The following PDE8B variants were observed in gnomAD, a reference collection of about 807,000 sequenced individuals.
PDE8B encodes the protein phosphodiesterase 8B.
In PDE8B, 26 loss-of-function variants were observed where a neutral mutation model predicts 101.3. The observed-to-expected ratio is 0.26, with a 90% confidence interval of 0.19 to 0.36. The LOEUF is 0.36. Ranked by LOEUF, PDE8B falls within the 10% of genes least tolerant of loss-of-function variation. PDE8B has a pLI of 1.00. For missense variants in PDE8B, 810 were observed against 1,163.1 expected (o/e 0.70, Z 4.42); for synonymous variants, 424 against 429.3 (o/e 0.99, Z 0.15).
intron 1 of PDE8B, among the ~76,000 whole-genome samples, chr5:77,265,056 T>G (rs1158105685): frequency 1.3e-5 from 2 of 152,204 alleles, no homozygotes; most frequent in Admixed American, 6.5e-5. Context: ...TTTACACTGT[T>G]ATTGACACAC....
chr5:77,106,637 A>G, the PDE8B span, among the ~76,000 whole-genome samples: 2 of 152,204 alleles, frequency 1.3e-5, no homozygotes, highest in African/African-American at 2.4e-5. Context: ...TTTTAAAAAA[A>G]TCTGCTGGAT....
intron 1 of PDE8B, among the ~76,000 whole-genome samples, chr5:77,297,238 C>A (rs1218659488): frequency 6.6e-6 from 1 of 152,218 alleles, no homozygotes; most frequent in Non-Finnish European, 1.5e-5. Flanking sequence ...GACCTAATCA[C>A]GTCTTAAAGA....
At chr5:77,181,179 C>A in the PDE8B span, among the ~76,000 whole-genome samples, 4 of 151,612 alleles carry the variant, frequency 2.6e-5, no homozygotes, top group African/African-American at 9.7e-5. Context: ...CTAAACCACC[C>A]GCCTCATCCC....
chr5:77,118,392 T>A, the PDE8B span: 2 of 398,530 alleles, frequency 5.0e-6, no homozygotes. Context: ...GGGGAGCTTC[T>A]CTCTCAGCCT....
chr5:77,388,429 A>T (rs1789190116), intron 10 of PDE8B, among the ~76,000 whole-genome samples: 1 of 152,158 alleles, frequency 6.6e-6, no homozygotes, highest in African/African-American at 2.4e-5. Context: ...TTGCTCCCTG[A>T]TCCTTCCTCT....
At chr5:77,249,865 A>C (rs906683458) in intron 1 of PDE8B, among the ~76,000 whole-genome samples, 1 of 152,236 alleles carries the variant, frequency 6.6e-6, no homozygotes, top group Non-Finnish European at 1.5e-5. Flanking sequence ...AAGTGTGTGC[A>C]TTTGATCTCT....
chr5:77,359,739 C>T (rs73764821), intron 10 of PDE8B, among the ~76,000 whole-genome samples: 4,416 of 152,204 alleles, frequency 0.029, 203 homozygotes, highest in African/African-American at 0.1. Flanking sequence ...CACCCCACCT[C>T]ACCCTTAGCT....
chr5:77,226,308 A>G (rs996519827), intron 1 of PDE8B, among the ~76,000 whole-genome samples: 1 of 152,248 alleles, frequency 6.6e-6, no homozygotes, highest in Non-Finnish European at 1.5e-5. Flanking sequence ...CATTGTTTAA[A>G]ATACACATTA....
intron 1 of PDE8B, among the ~76,000 whole-genome samples, chr5:77,296,924 AGTGAT>A (rs1377333815): frequency 2.0e-5 from 3 of 152,068 alleles, no homozygotes; most frequent in Admixed American, 6.5e-5. Flanking sequence ...TTCTGCTGTG[AGTGAT>A]GGCAAGGTTT....
At chr5:77,378,456 TAAAAAAAA>T (rs58121927) in intron 10 of PDE8B, among the ~76,000 whole-genome samples, 11 of 69,350 alleles carry the variant, frequency 1.6e-4, no homozygotes, top group Admixed American at 2.0e-4. Context: ...AGACTCCATC[TAAAAAAAA>T]AAAAAAAAAA....
At chr5:77,390,312 T>G (rs1789639939) in intron 10 of PDE8B, among the ~76,000 whole-genome samples, 1 of 152,208 alleles carries the variant, frequency 6.6e-6, no homozygotes, top group African/African-American at 2.4e-5. Flanking sequence ...TTGAAGTAAT[T>G]AAGGGTTTGA....
chr5:77,248,222 T>C (rs1168161696), intron 1 of PDE8B, among the ~76,000 whole-genome samples: 3 of 152,210 alleles, frequency 2.0e-5, no homozygotes, highest in African/African-American at 7.2e-5. Context: ...GCAGGGGCTA[T>C]TGCATGTTTA....
chr5:77,226,260 A>G (rs1414986557), intron 1 of PDE8B, among the ~76,000 whole-genome samples: 1 of 152,232 alleles, frequency 6.6e-6, no homozygotes, highest in Non-Finnish European at 1.5e-5. Flanking sequence ...CCTCTGCCTT[A>G]TTGGTAATTA....
chr5:77,344,796 G>A, intron 6 of PDE8B, 57 bp from the exon 7 acceptor site: 1 of 1,097,276 alleles, frequency 9.1e-7, no homozygotes, highest in Non-Finnish European at 1.4e-6. Flanking sequence ...TAAATTAACA[G>A]ATGAAATGTG....
intron 10 of PDE8B, among the ~76,000 whole-genome samples, chr5:77,388,780 G>T (rs1789278336): frequency 6.6e-6 from 1 of 152,150 alleles, no homozygotes; most frequent in Non-Finnish European, 1.5e-5. Context: ...CAGAGAGGAG[G>T]AATCTAGAGA....
chr5:77,347,486 G>A (rs1780347983), intron 7 of PDE8B, among the ~76,000 whole-genome samples: 1 of 152,026 alleles, frequency 6.6e-6, no homozygotes, highest in African/African-American at 2.4e-5. Flanking sequence ...CACATGAAAA[G>A]GTATGAGAAT....
intron 2 of PDE8B, among the ~76,000 whole-genome samples, chr5:77,321,748 T>A (rs1376670158): frequency 6.6e-6 from 1 of 152,230 alleles, no homozygotes; most frequent in Non-Finnish European, 1.5e-5. Flanking sequence ...AAAGCAGTCT[T>A]TCTAAATTTT....
chr5:77,237,144 T>C (rs1754860912), intron 1 of PDE8B, among the ~76,000 whole-genome samples: 1 of 152,188 alleles, frequency 6.6e-6, no homozygotes, highest in African/African-American at 2.4e-5. Context: ...TCTACCTGTA[T>C]AATTATGTTT....
At chr5:77,403,338 T>C (rs1792711951) in intron 11 of PDE8B, among the ~76,000 whole-genome samples, 1 of 152,218 alleles carries the variant, frequency 6.6e-6, no homozygotes, top group South Asian at 2.1e-4. Flanking sequence ...GTTGGGGGAA[T>C]CTAAAACTGT....
Sources: gnomAD v4.1 joint callset for allele counts (sites outside exome capture counted in the v4.1 genomes callset) on GRCh38, gnomAD v4.1.1 for gene constraint, MANE v1.5 for transcripts, NCBI Gene and HGNC (gene_info 2026-07-23, HGNC 2026-07-21) for gene names.